The following AK5 variants were observed in gnomAD, a reference collection of about 807,000 sequenced individuals.
AK5 encodes adenylate kinase isoenzyme 5.
Under a neutral mutation model 69.5 loss-of-function variants are expected in AK5, and 27 were observed. The observed-to-expected ratio is 0.39, with a 90% CI of 0.29 to 0.54. The LOEUF (loss-of-function observed/expected upper bound fraction) is 0.54. AK5 is among the 20% of genes least tolerant of loss of function. The pLI is 0.71. For missense variants in AK5, 531 were observed against 700.4 expected (o/e 0.76, Z 2.73); for synonymous variants, 260 against 244.4 (o/e 1.06, Z -0.60).
rs1652735376 is a variant in AK5 at position 77,446,099 on chromosome 1, G to A, written c.1059+28384G>A. Among the ~76,000 whole-genome samples the A allele has an allele frequency of 2.0e-5, 3 of 152,210 alleles. No individual in the cohort carries two copies. The South Asian group carries it at 6.2e-4, about 32-fold the overall frequency. On this transcript the variant is annotated intron_variant, in intron 8 of 13. Coordinates refer to ENST00000354567, the MANE Select transcript of AK5 (RefSeq NM_174858.3). ...GGGTCTCTTATCCATTTTGAGTTGA[G>A]TTTTGTATCTGGTATAAAATAAGAG...
chr1:77,418,228 G>A (rs1650558127), intron 8 of AK5, among the ~76,000 whole-genome samples: 1 of 152,168 alleles, frequency 6.6e-6, no homozygotes, highest in African/African-American at 2.4e-5. Context: ...GGAGGAGCAA[G>A]TCACATCTTA....
intron 7 of AK5, among the ~76,000 whole-genome samples, chr1:77,411,314 T>C (rs1342285983): frequency 6.6e-6 from 1 of 152,206 alleles, no homozygotes; most frequent in Non-Finnish European, 1.5e-5. Flanking sequence ...GTAGTCACAA[T>C]GTAACATAGG....
intron 10 of AK5, among the ~76,000 whole-genome samples, chr1:77,489,987 C>T (rs544429897): frequency 1.3e-5 from 2 of 152,304 alleles, no homozygotes; most frequent in African/African-American, 4.8e-5. Context: ...GAGAACTCCG[C>T]TGTAATCACC....
At chr1:77,385,083 T>A (rs759176377) in intron 6 of AK5, among the ~76,000 whole-genome samples, 3 of 152,222 alleles carry the variant, frequency 2.0e-5, no homozygotes, top group Non-Finnish European at 4.4e-5. Flanking sequence ...GTTTTCTTCA[T>A]GTATCAGTGA....
chr1:77,307,961 G>A (rs533661479), intron 5 of AK5, among the ~76,000 whole-genome samples: 128 of 152,292 alleles, frequency 8.4e-4, no homozygotes, highest in Middle Eastern at 3.4e-3. Context: ...CAAGAGGGAC[G>A]ATGGTGGAGC....
chr1:77,282,486 G>A (rs1259082784), intron 1 of AK5, 113 bp downstream of exon 1: 1 of 1,408,374 alleles, frequency 7.1e-7, no homozygotes, highest in Non-Finnish European at 9.3e-7. Context: ...TGTAATGAAG[G>A]GGCTTGTAGA....
chr1:77,309,091 G>C (rs1659801827), intron 5 of AK5, among the ~76,000 whole-genome samples: 1 of 151,808 alleles, frequency 6.6e-6, no homozygotes, highest in African/African-American at 2.4e-5. Context: ...GTGGGGTCGG[G>C]GGAGGGAGAA....
At chr1:77,419,263 T>C (rs1650643136) in intron 8 of AK5, among the ~76,000 whole-genome samples, 1 of 152,162 alleles carries the variant, frequency 6.6e-6, no homozygotes, top group African/African-American at 2.4e-5. Flanking sequence ...GCCTTTTCAG[T>C]TGCTGACCCA....
At chr1:77,556,676 G>A (rs1660120562) in intron 13 of AK5, among the ~76,000 whole-genome samples, 2 of 152,158 alleles carry the variant, frequency 1.3e-5, no homozygotes, top group African/African-American at 4.8e-5. Context: ...ACCTCTGGAA[G>A]CAGTGAAAGC....
At chr1:77,298,414 C>T (rs1298763755) in intron 5 of AK5, among the ~76,000 whole-genome samples, 1 of 151,948 alleles carries the variant, frequency 6.6e-6, no homozygotes, top group Non-Finnish European at 1.5e-5. Context: ...GCCTGCTCAA[C>T]CCCCAATACA....
intron 13 of AK5, among the ~76,000 whole-genome samples, chr1:77,548,923 A>T: frequency 2.1e-5 from 2 of 93,838 alleles, no homozygotes; most frequent in African/African-American, 8.6e-5. Context: ...TTTTTTTGAG[A>T]CTGAGTTTCA....
chr1:77,286,821 TG>T, intron 1 of AK5, 119 bp from the exon 2 acceptor site: 1 of 579,592 alleles, frequency 1.7e-6, no homozygotes, highest in Non-Finnish European at 2.5e-6. Context: ...CACTCCAGCC[TG>T]GGCAGCAGAG....
intron 6 of AK5, among the ~76,000 whole-genome samples, chr1:77,400,071 A>G (rs561266985): frequency 6.6e-6 from 1 of 152,340 alleles, no homozygotes; most frequent in Middle Eastern, 3.4e-3. Context: ...GAGAAACAGA[A>G]TCACCTACTA....
intron 5 of AK5, among the ~76,000 whole-genome samples, chr1:77,318,949 A>C (rs1044164165): frequency 2.6e-5 from 4 of 152,178 alleles, no homozygotes; most frequent in Admixed American, 6.5e-5. Flanking sequence ...GCTGAACAGA[A>C]GAGTGTTTAA....
chr1:77,516,953 C>T (rs1309421427), intron 10 of AK5, among the ~76,000 whole-genome samples: 2 of 151,902 alleles, frequency 1.3e-5, no homozygotes, highest in African/African-American at 4.8e-5. Flanking sequence ...CACCTGTAAT[C>T]CCAGCTAATT....
At chr1:77,481,574 T>A (rs1321514835) in intron 8 of AK5, among the ~76,000 whole-genome samples, 2 of 152,160 alleles carry the variant, frequency 1.3e-5, no homozygotes, top group Admixed American at 6.5e-5. Flanking sequence ...TGTCTTTAAA[T>A]AAAGTGTTTT....
intron 13 of AK5, among the ~76,000 whole-genome samples, chr1:77,542,005 G>A (rs960597020): frequency 6.6e-6 from 1 of 152,134 alleles, no homozygotes; most frequent in African/African-American, 2.4e-5. Context: ...TGGGGACACA[G>A]CAGTCAACGT....
intron 8 of AK5, among the ~76,000 whole-genome samples, chr1:77,459,606 T>C (rs182595217): frequency 2.0e-3 from 310 of 152,328 alleles, no homozygotes; most frequent in African/African-American, 7.1e-3. Flanking sequence ...AGAATTTGCC[T>C]TTGTAATGAG....
At chr1:77,299,027 G>A (rs1405689111) in intron 5 of AK5, among the ~76,000 whole-genome samples, 1 of 151,970 alleles carries the variant, frequency 6.6e-6, no homozygotes, top group Non-Finnish European at 1.5e-5. Context: ...ATACATGTAT[G>A]GACACATGTG....
Sources: gnomAD v4.1 joint callset for allele counts (sites outside exome capture counted in the v4.1 genomes callset) on GRCh38, gnomAD v4.1.1 for gene constraint, MANE v1.5 for transcripts, NCBI Gene and HGNC (gene_info 2026-07-23, HGNC 2026-07-21) for gene names.